Variants in TDRD3 observed in about 807,000 individuals in gnomAD.
TDRD3 encodes tudor domain containing 3.
Under a neutral mutation model 86.7 loss-of-function variants are expected in TDRD3, and 45 were observed. The observed-to-expected ratio is 0.52, with a 90% confidence interval of 0.41 to 0.67. The LOEUF is 0.67. Ranked by LOEUF, TDRD3 falls within the 30% of genes least tolerant of loss-of-function variation. The pLI is 0.00. For missense variants in TDRD3, 814 were observed against 889.0 expected, an observed-to-expected ratio of 0.92 and a Z score of 1.07; for synonymous variants, 298 against 301.7, an observed-to-expected ratio of 0.99 and a Z score of 0.13.
At chr13:60,475,714 T>C (rs2137452479) in intron 5 of TDRD3, among the ~76,000 whole-genome samples, 1 of 152,366 alleles carries the variant, frequency 6.6e-6, no homozygotes, top group South Asian at 2.1e-4. Context: ...TTGGTTGTTT[T>C]TTGACTTTTT....
At chr13:60,461,358 A>T (rs1274084971) in intron 4 of TDRD3, among the ~76,000 whole-genome samples, 1 of 152,186 alleles carries the variant, frequency 6.6e-6, no homozygotes, top group Non-Finnish European at 1.5e-5. Context: ...TTATTTTAAT[A>T]AGAATCTTTT....
Position 60,437,910 on chromosome 13 carries a change from G to C in TDRD3, c.42-1778G>C, listed in dbSNP as rs576312014. 1.1e-3 allele frequency among the ~76,000 whole-genome samples: 162 copies of C among 152,072 alleles called. 6 individuals carry two copies. The highest frequency in any genetic ancestry group is 3.7e-4 in the Non-Finnish European group (25 of 67,932). On this transcript the variant is annotated intron_variant, in intron 1 of 13. Transcript: ENST00000377881. ...AGAAAGCTCTAGGATATTATTCCTAGAAGGTGCTTCACACTTACTCACTTC... is the reference window on the plus strand; with the variant it reads ...AGAAAGCTCTAGGATATTATTCCTACAAGGTGCTTCACACTTACTCACTTC...
intron 1 of TDRD3, among the ~76,000 whole-genome samples, chr13:60,417,542 A>C (rs958047239): frequency 9.3e-5 from 14 of 151,010 alleles, no homozygotes; most frequent in Non-Finnish European, 1.9e-4. Flanking sequence ...GAGTTTCACC[A>C]TGTTGGCCAG....
chr13:60,525,069 A>G (rs1441065034), intron 10 of TDRD3, among the ~76,000 whole-genome samples: 1 of 123,384 alleles, frequency 8.1e-6, no homozygotes, highest in Admixed American at 8.3e-5. Flanking sequence ...CCTGGGCAAC[A>G]GAGCAAAATT....
chr13:60,494,346 C>T (rs1595017966), intron 7 of TDRD3, 89 bp from the exon 8 acceptor site: 2 of 1,289,906 alleles, frequency 1.6e-6, no homozygotes, highest in Non-Finnish European at 2.0e-6. Context: ...AACTTAATTA[C>T]TTCAGTTGTT....
intron 13 of TDRD3, among the ~76,000 whole-genome samples, chr13:60,572,369 T>G (rs1174450937): frequency 6.6e-6 from 1 of 152,182 alleles, no homozygotes; most frequent in African/African-American, 2.4e-5. Flanking sequence ...TCATGAACTT[T>G]TGATTAAGAG....
intron 12 of TDRD3, among the ~76,000 whole-genome samples, chr13:60,547,886 T>C (rs1313078683): frequency 6.6e-6 from 1 of 152,212 alleles, no homozygotes; most frequent in African/African-American, 2.4e-5. Context: ...CCCAGAATTA[T>C]GTGCTTAGAA....
chr13:60,542,342 T>G (rs559648438), intron 12 of TDRD3, among the ~76,000 whole-genome samples: 1 of 152,310 alleles, frequency 6.6e-6, no homozygotes, highest in Admixed American at 6.5e-5. Context: ...GTCTTATTTC[T>G]ATGGTCTCAG....
At chr13:60,514,871 A>G (rs1566262381) in intron 10 of TDRD3, among the ~76,000 whole-genome samples, 1 of 152,184 alleles carries the variant, frequency 6.6e-6, no homozygotes, top group Non-Finnish European at 1.5e-5. Context: ...ATAGGGTAAG[A>G]TGGGATTGAG....
At chr13:60,570,075 C>G (rs981212759) in intron 13 of TDRD3, among the ~76,000 whole-genome samples, 2 of 152,048 alleles carry the variant, frequency 1.3e-5, no homozygotes, top group African/African-American at 4.8e-5. Context: ...GGAATAACAT[C>G]AGTTAAAAAG....
chr13:60,548,136 G>GT lies in TDRD3; in HGVS notation c.2118+12904dup, dbSNP rs796271695. ...TCTCACTGAAAGCTTAACCTGAGGAGTATAGTAGAGGGAAGACATAAGAAT... is the reference window on the plus strand; with the variant it reads ...TCTCACTGAAAGCTTAACCTGAGGAGTTATAGTAGAGGGAAGACATAAGAAT... On this transcript the variant is annotated intron_variant, in intron 12 of 13. Transcript: ENST00000377881. Among the ~76,000 whole-genome samples, 58 of 152,328 alleles carry GT rather than the reference G, an allele frequency of 3.8e-4. 1 individual carries two copies. The highest frequency in any genetic ancestry group is 1.4e-3 in the African/African-American group (57 of 41,572).
chr13:60,485,412 TG>T (rs1956410063), intron 6 of TDRD3, among the ~76,000 whole-genome samples: 4 of 152,068 alleles, frequency 2.6e-5, no homozygotes, highest in Admixed American at 1.3e-4. Flanking sequence ...ATATGTATAT[TG>T]TGGTATAATA....
At chr13:60,519,169 C>A (rs777037679) in intron 10 of TDRD3, among the ~76,000 whole-genome samples, 23 of 152,034 alleles carry the variant, frequency 1.5e-4, no homozygotes, top group Non-Finnish European at 3.2e-4. Flanking sequence ...TTTTCTTCCT[C>A]CTCAATTAAT....
intron 12 of TDRD3, among the ~76,000 whole-genome samples, chr13:60,562,920 G>A (rs1958368924): frequency 6.6e-6 from 1 of 151,886 alleles, no homozygotes; most frequent in South Asian, 2.1e-4. Flanking sequence ...GGAAAATGCT[G>A]AAGGAATGGT....
chr13:60,570,270 A>T (rs1212711218), intron 13 of TDRD3, among the ~76,000 whole-genome samples: 2 of 152,238 alleles, frequency 1.3e-5, no homozygotes, highest in Admixed American at 1.3e-4. Context: ...GGCATTTCTC[A>T]ATAGAAGACA....
intron 10 of TDRD3, among the ~76,000 whole-genome samples, chr13:60,516,241 A>G (rs1158233517): frequency 6.6e-6 from 1 of 152,254 alleles, no homozygotes; most frequent in Admixed American, 6.5e-5. Flanking sequence ...TTAGCGCAGT[A>G]AGCCTTGGCT....
chr13:60,535,990 A>G (rs1957690326), intron 12 of TDRD3: 1 of 152,254 alleles, frequency 6.6e-6, no homozygotes, highest in African/African-American at 2.4e-5. Flanking sequence ...ATTTATTGTT[A>G]TAAGCCAATA....
At chr13:60,402,728 A>C in intron 1 of TDRD3, among the ~76,000 whole-genome samples, 2 of 109,276 alleles carry the variant, frequency 1.8e-5, no homozygotes, top group African/African-American at 3.7e-5. Context: ...ACGGAGTTTC[A>C]CTCTTGTTGC....
chr13:60,511,169 TA>T (rs1437201703), intron 10 of TDRD3, among the ~76,000 whole-genome samples: 3 of 152,238 alleles, frequency 2.0e-5, no homozygotes, highest in Non-Finnish European at 4.4e-5. Context: ...CAATGTGGTA[TA>T]TTTTTTATAT....
Sources: allele counts gnomAD v4.1 joint callset (sites outside exome capture counted in the v4.1 genomes callset), GRCh38; gene constraint gnomAD v4.1.1; transcripts MANE v1.5; gene names NCBI Gene and HGNC (gene_info 2026-07-23, HGNC 2026-07-21).